NRG3: variants seen among roughly 807,000 people sequenced by gnomAD.
The protein encoded by NRG3 is neuregulin 3, also known as pro-neuregulin-3, membrane-bound isoform.
NRG3 carries 31 observed loss-of-function variants against 66.9 expected under a neutral mutation model. The ratio of observed to expected loss-of-function variants is 0.46; its 90% confidence interval spans 0.35 to 0.63. NRG3 has a LOEUF of 0.63. Among genes scored for constraint, NRG3 ranks in the 20% least tolerant of loss-of-function variants. The pLI, the probability that NRG3 is intolerant of heterozygous loss-of-function variation, is 0.00. For synonymous variants in NRG3, 393 were observed against 359.4 expected (o/e 1.09, Z -1.06); for missense variants, 910 against 878.9 (o/e 1.04, Z -0.45).
At position 82,855,833 on chromosome 10, in the gene NRG3, A is replaced by G. The variant is rs969679570; in HGVS notation, c.1028-9578A>G. 2.0e-4 allele frequency among the ~76,000 whole-genome samples: 31 copies of G among 152,196 alleles called. 1 individual carries two copies. The highest frequency in any genetic ancestry group is 6.2e-4 in the South Asian group (3 of 4,830). On this transcript the variant is annotated intron_variant, in intron 3 of 8. Coordinates refer to ENST00000372141, the MANE Select transcript of NRG3 (RefSeq NM_001010848.4). Reference sequence around the variant, plus strand: ...GGGGAAAAACCCTTAAATAGCATCTATGATAGCATTTTAGTGACCATGGAA... The same window carrying G: ...GGGGAAAAACCCTTAAATAGCATCTGTGATAGCATTTTAGTGACCATGGAA...
intron 1 of NRG3, among the ~76,000 whole-genome samples, chr10:82,016,082 G>A (rs1285695279): frequency 6.6e-6 from 1 of 151,454 alleles, no homozygotes; most frequent in Non-Finnish European, 1.5e-5. Flanking sequence ...TATTGTTACT[G>A]TCAGCAGTGT....
chr10:82,322,159 A>G (rs1419063198), intron 1 of NRG3, among the ~76,000 whole-genome samples: 1 of 152,254 alleles, frequency 6.6e-6, no homozygotes, highest in East Asian at 1.9e-4. Flanking sequence ...CAACATCAAA[A>G]TACGAATGCC....
chr10:82,908,923 C>T (rs972463699), intron 4 of NRG3, among the ~76,000 whole-genome samples: 2 of 147,844 alleles, frequency 1.4e-5, no homozygotes, highest in Non-Finnish European at 3.0e-5. Context: ...CCCTCAGCGA[C>T]TGGAGCTGTG....
At chr10:81,913,001 C>T (rs1017698732) in intron 1 of NRG3, among the ~76,000 whole-genome samples, 6 of 152,176 alleles carry the variant, frequency 3.9e-5, no homozygotes, top group African/African-American at 1.2e-4. Context: ...TAAACTTAGA[C>T]AAGCTAATTA....
intron 1 of NRG3, among the ~76,000 whole-genome samples, chr10:82,074,665 A>C (rs2064993141): frequency 6.6e-6 from 1 of 152,100 alleles, no homozygotes; most frequent in African/African-American, 2.4e-5. Flanking sequence ...CTCTCTCTCT[A>C]CAAACAAAGT....
At chr10:82,821,503 G>GAAAAAA (rs10550982) in intron 3 of NRG3, among the ~76,000 whole-genome samples, 1 of 134,604 alleles carries the variant, frequency 7.4e-6, no homozygotes. Context: ...ACACTTAACT[G>GAAAAAA]AAAAAAAAAA....
intron 2 of NRG3, among the ~76,000 whole-genome samples, chr10:82,557,162 G>A (rs2044706014): frequency 6.6e-6 from 1 of 152,066 alleles, no homozygotes; most frequent in Non-Finnish European, 1.5e-5. Flanking sequence ...ACCCATAATG[G>A]GATTACTAGT....
intron 1 of NRG3, among the ~76,000 whole-genome samples, chr10:82,287,656 C>T (rs1377628407): frequency 1.3e-5 from 2 of 152,176 alleles, no homozygotes; most frequent in African/African-American, 4.8e-5. Flanking sequence ...CATGATCTTT[C>T]TTATAAGAGA....
intron 1 of NRG3, among the ~76,000 whole-genome samples, chr10:82,286,249 A>G (rs760549564): frequency 1.3e-5 from 2 of 152,168 alleles, no homozygotes; most frequent in Non-Finnish European, 2.9e-5. Flanking sequence ...GTTTGGGGTA[A>G]GTTTTAAAGG....
At chr10:82,775,853 C>T (rs1027720641) in intron 3 of NRG3, among the ~76,000 whole-genome samples, 1 of 152,030 alleles carries the variant, frequency 6.6e-6, no homozygotes, top group Non-Finnish European at 1.5e-5. Flanking sequence ...ACAATTTATA[C>T]TTTTGTTGTC....
At chr10:82,922,900 G>A (rs1846590434) in intron 4 of NRG3, among the ~76,000 whole-genome samples, 1 of 152,118 alleles carries the variant, frequency 6.6e-6, no homozygotes, top group African/African-American at 2.4e-5. Flanking sequence ...AATCGTATGA[G>A]TCATCTTTGA....
intron 2 of NRG3, among the ~76,000 whole-genome samples, chr10:82,375,075 C>G (rs963968798): frequency 1.3e-5 from 2 of 152,148 alleles, no homozygotes; most frequent in African/African-American, 4.8e-5. Flanking sequence ...CAGGTTTAGC[C>G]TGGACAACTG....
At chr10:81,965,822 C>T (rs2059710566) in intron 1 of NRG3, among the ~76,000 whole-genome samples, 1 of 152,068 alleles carries the variant, frequency 6.6e-6, no homozygotes, top group African/African-American at 2.4e-5. Context: ...TATTCTAAGA[C>T]AAAAATAAAG....
At chr10:82,750,530 A>C (rs1300415029) in intron 3 of NRG3, among the ~76,000 whole-genome samples, 1 of 152,154 alleles carries the variant, frequency 6.6e-6, no homozygotes, top group Non-Finnish European at 1.5e-5. Context: ...AGGTCCCCTT[A>C]GGCCCATATT....
intron 3 of NRG3, among the ~76,000 whole-genome samples, chr10:82,770,979 A>G (rs1053894599): frequency 6.6e-6 from 1 of 152,176 alleles, no homozygotes; most frequent in Non-Finnish European, 1.5e-5. Context: ...GAGTTGGTTT[A>G]GCAAAAGTAG....
At chr10:82,418,824 C>T (rs1476297983) in intron 2 of NRG3, among the ~76,000 whole-genome samples, 1 of 151,792 alleles carries the variant, frequency 6.6e-6, no homozygotes, top group East Asian at 1.9e-4. Context: ...TGGTCTCAAA[C>T]TCCTGGTCTT....
intron 1 of NRG3, among the ~76,000 whole-genome samples, chr10:82,339,539 C>T (rs1398474950): frequency 1.3e-5 from 2 of 152,140 alleles, no homozygotes; most frequent in African/African-American, 4.8e-5. Context: ...TTACCTCCCA[C>T]CAGGTCCTTT....
intron 2 of NRG3, among the ~76,000 whole-genome samples, chr10:82,650,710 A>T (rs2051344001): frequency 6.6e-6 from 1 of 152,178 alleles, no homozygotes; most frequent in Non-Finnish European, 1.5e-5. Flanking sequence ...TGAGGTACAT[A>T]TTTTTTCTTG....
Position 82,286,639 on chromosome 10 carries a change from G to A in NRG3, c.824-72100G>A, listed in dbSNP as rs142277683. Among the ~76,000 whole-genome samples the A allele has an allele frequency of 3.5e-4, 53 of 152,276 alleles. No individual in the cohort carries two copies. The East Asian group carries it at 9.7e-3, about 28-fold the overall frequency. On this transcript the variant is annotated intron_variant, in intron 1 of 8. Coordinates refer to ENST00000372141, the MANE Select transcript of NRG3 (RefSeq NM_001010848.4). ...GTCTCGCTCTGTCACCCAGACTGGA[G>A]TGCAGTGGCATGATCTCGGCTCACT...
Sources: gnomAD v4.1 joint callset for allele counts (sites outside exome capture counted in the v4.1 genomes callset) on GRCh38, gnomAD v4.1.1 for gene constraint, MANE v1.5 for transcripts, NCBI Gene and HGNC (gene_info 2026-07-23, HGNC 2026-07-21) for gene names.